SAP130: variants seen among roughly 807,000 people sequenced by gnomAD.
The protein encoded by SAP130 is Sin3A associated protein 130.
SAP130 carries 16 observed loss-of-function variants against 103.2 expected under a neutral mutation model. That is an observed-to-expected ratio of 0.16 (90% CI 0.10 to 0.24). The LOEUF (loss-of-function observed/expected upper bound fraction) is 0.24. Ranked by LOEUF, SAP130 falls within the 10% of genes least tolerant of loss-of-function variation. The pLI is 1.00. For synonymous variants in SAP130, 477 were observed against 497.0 expected, an observed-to-expected ratio of 0.96 and a Z score of 0.53; for missense variants, 990 against 1,359.7, an observed-to-expected ratio of 0.73 and a Z score of 4.28.
chr2:128,015,023 T>C (rs774403632), intron 4 of SAP130, 109 bp from the exon 5 acceptor site: 2 of 768,082 alleles, frequency 2.6e-6, no homozygotes, highest in Non-Finnish European at 4.4e-6. Context: ...AGATAGTGAG[T>C]ATCCCAAGAG....
In SAP130 at chr2:127,999,871, C is replaced by G. The variant is rs764615751; in HGVS notation, c.1109-26G>C. The G allele has an allele frequency of 6.0e-6, 9 of 1,495,358 alleles. No homozygotes were observed. The East Asian group carries it at 2.0e-4, about 34-fold the overall frequency. 92.6% of individuals were successfully genotyped at this position (1,495,358 alleles called of 1,614,324 possible). ...CTGAAATAGGGGAAAAAAGGAAATT[C>G]TTTAACAAGAACTTCTCTGCACACG... On this transcript the variant is annotated intron_variant, in intron 9 of 20. Coordinates refer to ENST00000643581, the MANE Select transcript of SAP130 (RefSeq NM_001330301.2).
At chr2:127,982,094 A>G (rs893489654) in intron 14 of SAP130, among the ~76,000 whole-genome samples, 2 of 152,092 alleles carry the variant, frequency 1.3e-5, no homozygotes, top group Admixed American at 1.3e-4. Context: ...ATATACTTCC[A>G]TGAAAATGAT....
intron 6 of SAP130, among the ~76,000 whole-genome samples, chr2:128,011,524 G>C (rs879816493): frequency 6.6e-6 from 1 of 152,108 alleles, no homozygotes; most frequent in Non-Finnish European, 1.5e-5. Flanking sequence ...TCTCACACTA[G>C]GGCTACAGCA....
chr2:128,006,829 A>G (rs779974484), intron 7 of SAP130, among the ~76,000 whole-genome samples: 2 of 152,254 alleles, frequency 1.3e-5, no homozygotes, highest in Non-Finnish European at 2.9e-5. Context: ...TGTGAGAGAT[A>G]GTGCTTAAAA....
intron 15 of SAP130, among the ~76,000 whole-genome samples, chr2:127,970,541 TAAAAAAA>T (rs70985493): frequency 3.4e-4 from 27 of 80,012 alleles, no homozygotes; most frequent in East Asian, 3.0e-3. Context: ...GACTCTGTCT[TAAAAAAA>T]AAAAAAAAAA....
intron 18 of SAP130, 91 bp downstream of exon 18, chr2:127,949,778 C>T (rs1005343192): frequency 7.4e-5 from 101 of 1,369,930 alleles, no homozygotes; most frequent in Non-Finnish European, 9.0e-5. Context: ...TTTTTGAAAC[C>T]GGAAAATTGT....
intron 1 of SAP130, 54 bp downstream of exon 1, chr2:128,027,886 G>C (rs1370615298): frequency 1.0e-6 from 1 of 970,190 alleles, no homozygotes; most frequent in African/African-American, 1.8e-5. Context: ...CGGCTCAGCC[G>C]CCCCGCCCCC....
Position 127,989,256 on chromosome 2 carries a change from G to A in SAP130, c.1780+308C>T, listed in dbSNP as rs1314096946. On this transcript the variant is annotated intron_variant, in intron 13 of 20. Coordinates refer to ENST00000643581, the MANE Select transcript of SAP130 (RefSeq NM_001330301.2). This position sits in a 1 kb window ranked among gnomAD's most constrained non-coding sequence, Gnocchi z 4.6. ...TAGGACTACAGGCCCCCGCCACCACGCCTGGCTAATTTTTTTGTATTTTTA... is the reference window on the plus strand; with the variant it reads ...TAGGACTACAGGCCCCCGCCACCACACCTGGCTAATTTTTTTGTATTTTTA... Among the ~76,000 whole-genome samples, 2 of 151,730 alleles carry A rather than the reference G, an allele frequency of 1.3e-5. No individual in the cohort carries two copies. Among genetic ancestry groups the A allele is most frequent in the African/African-American group, 2.4e-5 (1 of 41,306 alleles).
intron 15 of SAP130, among the ~76,000 whole-genome samples, chr2:127,959,270 CAA>C (rs757880199): frequency 1.1e-4 from 16 of 151,152 alleles, no homozygotes; most frequent in Non-Finnish European, 1.3e-4. Context: ...AGAGCAGAGA[CAA>C]AAAAAAGTCC....
rs926421244 is a variant in SAP130, at chr2:127,945,629, G to A, written c.2798-70C>T. The A allele has an allele frequency of 4.4e-6, 4 of 901,080 alleles. No homozygotes were observed. In the African/African-American group the frequency reaches 6.7e-5, roughly 15 times the overall value. 55.8% of individuals were successfully genotyped at this position (901,080 alleles called of 1,614,324 possible). A position where few individuals can be genotyped will look rare whatever the true frequency, so the allele number is the denominator to read the frequency against. On this transcript the variant is annotated intron_variant, in intron 18 of 20. Coordinates refer to ENST00000643581, the MANE Select transcript of SAP130 (RefSeq NM_001330301.2). The stretch of plus-strand genomic sequence containing the variant: ...AAGGTAAATGATTTGTGTTCGAGCA[G>A]TGTAAATGCCATTATTTTAACAAGA...
In SAP130 at chr2:127,996,515, C is replaced by G; in HGVS notation, c.1214-24G>C. On this transcript the variant is annotated intron_variant, in intron 10 of 20. Transcript: ENST00000643581. The surrounding 1 kb of genome is among the most constrained non-coding windows in gnomAD (Gnocchi z 4.3). ...GGCTGCAAACAGTAAATGCCAATTC[C>G]ATGACCATTCTACACTTTTTTTTGG... The G allele has an allele frequency of 6.7e-7, 1 of 1,493,866 alleles. No individual in the cohort carries two copies. The highest frequency in any genetic ancestry group is 9.0e-7 in the Non-Finnish European group (1 of 1,111,432). 92.5% of individuals were successfully genotyped at this position (1,493,866 alleles called of 1,614,324 possible). A position where few individuals can be genotyped will look rare whatever the true frequency, so the allele number is the denominator to read the frequency against.
chr2:127,995,649 A>G (rs1023192492), intron 11 of SAP130, among the ~76,000 whole-genome samples: 5 of 152,364 alleles, frequency 3.3e-5, no homozygotes, highest in South Asian at 2.1e-4. Context: ...AATTAATAAT[A>G]GATCTACAAC....
chr2:127,958,635 TGAGAGAGAGAGA>T (rs372337440), intron 15 of SAP130, among the ~76,000 whole-genome samples: 56,837 of 127,548 alleles, frequency 0.45, 13,623 homozygotes, highest in Non-Finnish European at 0.54. Flanking sequence ...GTGAGACAGA[TGAGAGAGAGAGA>T]GAGAGAGAGA....
At chr2:128,027,061 C>G (rs757160354) in intron 1 of SAP130, 40 of 1,405,558 alleles carry the variant, frequency 2.8e-5, no homozygotes, top group Non-Finnish European at 3.7e-5. Flanking sequence ...TCTGGGGACC[C>G]GACCACAAGA....
At chr2:128,018,991 G>C (rs530820583) in intron 2 of SAP130, among the ~76,000 whole-genome samples, 1 of 151,724 alleles carries the variant, frequency 6.6e-6, no homozygotes, top group East Asian at 1.9e-4. Flanking sequence ...TCAGCTACTA[G>C]GGAAGATGAG....
chr2:127,972,789 C>T (rs1470758355), intron 15 of SAP130, among the ~76,000 whole-genome samples: 5 of 151,954 alleles, frequency 3.3e-5, no homozygotes, highest in African/African-American at 7.2e-5. Context: ...ATAAAAATAG[C>T]TGGGCATAAT....
At chr2:127,995,641 TTAA>T (rs987433902) in intron 11 of SAP130, among the ~76,000 whole-genome samples, 4 of 152,224 alleles carry the variant, frequency 2.6e-5, no homozygotes. Flanking sequence ...CAGCCAGGAA[TTAA>T]TAATAGATCT....
intron 2 of SAP130, among the ~76,000 whole-genome samples, chr2:128,023,687 G>C (rs1685301151): frequency 6.6e-6 from 1 of 152,138 alleles, no homozygotes; most frequent in African/African-American, 2.4e-5. Context: ...GGCTGAGGCA[G>C]AATGGTGTGA....
Position 127,996,471 on chromosome 2 carries a change from T to C in SAP130, c.1234A>G (p.Ile412Val). The change falls in exon 11 of 21, where the codon ATC becomes GTC. Residue 412 changes from isoleucine (I) to valine (V), a missense_variant. This residue lies in a region of SAP130 where 336 missense variants were observed against 520.1 expected (regional missense o/e 0.65). Coordinates refer to ENST00000643581, the MANE Select transcript of SAP130 (RefSeq NM_001330301.2). The surrounding 1 kb of genome is among the most constrained non-coding windows in gnomAD (Gnocchi z 4.3). ...TGGATCCGAGGAGAAGTGTGCGTGA[T>C]CTGCTGGGGCACCACCTTGGCTGCA... is the stretch of plus-strand genomic sequence containing the variant. Reference protein sequence around the residue: ...IPVAKVVPQQITHTSPRIQPD... With the variant: ...IPVAKVVPQQVTHTSPRIQPD... The C allele has an allele frequency of 1.3e-6, 2 of 1,584,968 alleles. No homozygotes were observed. The highest frequency in any genetic ancestry group is 1.7e-6 in the Non-Finnish European group (2 of 1,164,610).
Sources: allele counts gnomAD v4.1 joint callset (sites outside exome capture counted in the v4.1 genomes callset), GRCh38; gene constraint gnomAD v4.1.1; regional missense constraint gnomAD v4.1.1; non-coding constraint Gnocchi (gnomAD v3.1); transcripts MANE v1.5; gene names NCBI Gene and HGNC (gene_info 2026-07-23, HGNC 2026-07-21).